Variants in TPD52L1 observed in about 807,000 individuals in gnomAD.
The protein encoded by TPD52L1 is TPD52 like 1.
In TPD52L1, 18 loss-of-function variants were observed where a neutral mutation model predicts 28.7. The observed-to-expected ratio is 0.63, with a 90% confidence interval of 0.43 to 0.93. The LOEUF is 0.93. TPD52L1 is among the 40% of genes least tolerant of loss of function. TPD52L1 has a pLI of 0.00. For synonymous variants in TPD52L1, 75 were observed against 88.8 expected (o/e 0.84, Z 0.88); for missense variants, 203 against 254.8 (o/e 0.80, Z 1.39).
intron 1 of TPD52L1, among the ~76,000 whole-genome samples, chr6:125,176,964 G>A (rs1791861746): frequency 6.6e-6 from 1 of 152,166 alleles, no homozygotes; most frequent in Admixed American, 6.5e-5. Context: ...CTTGAGCCTA[G>A]GAGAATGAGG....
Position 125,159,575 on chromosome 6 carries a change from A to G in TPD52L1, c.19+5605A>G, listed in dbSNP as rs369549826. 5.3e-5 allele frequency among the ~76,000 whole-genome samples: 8 copies of G among 152,184 alleles called. No homozygotes were observed. In the South Asian group the frequency reaches 1.0e-3, roughly 20 times the overall value. On this transcript the variant is annotated intron_variant, in intron 1 of 6. Transcript: ENST00000534000. The stretch of plus-strand genomic sequence containing the variant: ...AATGTTGATATTTTGACCACCTCCC[A>G]TGAATTACGAATGTTCTTAATGACA...
At chr6:125,184,339 T>C (rs557614054) in intron 1 of TPD52L1, among the ~76,000 whole-genome samples, 3 of 152,264 alleles carry the variant, frequency 2.0e-5, no homozygotes, top group Admixed American at 2.0e-4. Flanking sequence ...ACCACATAGT[T>C]AGGGGCAGAA....
intron 2 of TPD52L1, among the ~76,000 whole-genome samples, chr6:125,224,704 C>T (rs1478093019): frequency 6.6e-6 from 1 of 152,220 alleles, no homozygotes; most frequent in Non-Finnish European, 1.5e-5. Flanking sequence ...TCCTAAATAA[C>T]ATACTGATGA....
chr6:125,158,422 T>G (rs1263506114), intron 1 of TPD52L1, among the ~76,000 whole-genome samples: 2 of 152,060 alleles, frequency 1.3e-5, no homozygotes, highest in Non-Finnish European at 2.9e-5. Context: ...ACATTATACT[T>G]TACATTATAC....
At chr6:125,215,270 G>A (rs529428547) in intron 1 of TPD52L1, among the ~76,000 whole-genome samples, 1 of 152,048 alleles carries the variant, frequency 6.6e-6, no homozygotes, top group East Asian at 1.9e-4. Flanking sequence ...CATTTCACTA[G>A]TTAATTACCT....
chr6:125,161,245 A>G (rs1159709561), intron 1 of TPD52L1, among the ~76,000 whole-genome samples: 2 of 152,190 alleles, frequency 1.3e-5, no homozygotes, highest in Admixed American at 1.3e-4. Context: ...AGCCTTCATA[A>G]ATTGAAGAGA....
intron 1 of TPD52L1, among the ~76,000 whole-genome samples, chr6:125,175,534 G>A (rs553914603): frequency 6.6e-6 from 1 of 152,222 alleles, no homozygotes; most frequent in East Asian, 1.9e-4. Context: ...GTAGAACTAA[G>A]TTACCCTTCT....
intron 6 of TPD52L1, among the ~76,000 whole-genome samples, chr6:125,257,692 G>C (rs1370910328): frequency 3.3e-5 from 5 of 152,154 alleles, no homozygotes; most frequent in Admixed American, 1.3e-4. Context: ...TAATAACACA[G>C]TAATGCATTT....
chr6:125,226,896 T>C (rs117424761), intron 2 of TPD52L1, among the ~76,000 whole-genome samples: 3 of 152,220 alleles, frequency 2.0e-5, no homozygotes, highest in East Asian at 1.9e-4. Flanking sequence ...AACAAAAGAA[T>C]AGAAGGGCTT....
At chr6:125,257,185 G>A in intron 6 of TPD52L1, 27 bp downstream of exon 6, 1 of 1,597,168 alleles carries the variant, frequency 6.3e-7, no homozygotes, top group South Asian at 1.1e-5. Flanking sequence ...TTCTGTGTGA[G>A]TGGGTCCATT....
At position 125,154,533 on chromosome 6, in the gene TPD52L1, G is replaced by A. The variant is rs1003105787; in HGVS notation, c.19+563G>A. On this transcript the variant is annotated intron_variant, in intron 1 of 6. Coordinates refer to ENST00000534000, the MANE Select transcript of TPD52L1 (RefSeq NM_003287.4). ...CCCCTGACCTCCAGCAGATCCACAC[G>A]TGAGTCCCGGTTTCCGCGATCGGGG... 12 of 942,170 alleles carry A rather than the reference G, an allele frequency of 1.3e-5. No homozygotes were observed. The African/African-American group carries it at 2.7e-4, about 21-fold the overall frequency. 58.4% of individuals were successfully genotyped at this position (942,170 alleles called of 1,614,324 possible).
chr6:125,228,991 G>A, intron 2 of TPD52L1, 127 bp from the exon 3 acceptor site: 1 of 922,888 alleles, frequency 1.1e-6, no homozygotes. Flanking sequence ...GGTGTATTTG[G>A]CAAACCTACA....
chr6:125,261,011 A>T lies in TPD52L1; in HGVS notation c.487-1823A>T, dbSNP rs1463952992. ...GAAAGAAAGAAAGAAAGAAAGAAAG[A>T]AAGAAAGAAAAGAAAAGAAAGAAAG... On this transcript the variant is annotated intron_variant, in intron 6 of 6. Coordinates refer to ENST00000534000, the MANE Select transcript of TPD52L1 (RefSeq NM_003287.4). The T allele has an allele frequency of 4.0e-4, 12 of 30,018 alleles. 1 individual carries two copies. Among genetic ancestry groups the T allele is most frequent in the African/African-American group, 2.8e-3 (12 of 4,252 alleles). 1.9% of individuals were successfully genotyped at this position (30,018 alleles called of 1,614,324 possible). A position where few individuals can be genotyped will look rare whatever the true frequency, so the allele number is the denominator to read the frequency against.
chr6:125,154,421 C>A (rs1789974411), intron 1 of TPD52L1: 1 of 989,410 alleles, frequency 1.0e-6, no homozygotes, highest in Non-Finnish European at 1.2e-6. Flanking sequence ...GAGGATCGCC[C>A]GCCGAGGGGG....
Position 125,171,263 on chromosome 6 carries a change from T to C in TPD52L1, c.19+17293T>C, listed in dbSNP as rs538664428. 2.0e-5 allele frequency among the ~76,000 whole-genome samples: 3 copies of C among 152,258 alleles called. No individual in the cohort carries two copies. In the South Asian group the frequency reaches 6.2e-4, roughly 32 times the overall value. The stretch of plus-strand genomic sequence containing the variant: ...TTATGTTTGATGATATGATGTACAC[T>C]CAACAGACTAGGTTATCCACATACA... On this transcript the variant is annotated intron_variant, in intron 1 of 6. Transcript: ENST00000534000.
At chr6:125,169,976 C>A (rs73771238) in intron 1 of TPD52L1, among the ~76,000 whole-genome samples, 1 of 151,988 alleles carries the variant, frequency 6.6e-6, no homozygotes, top group Non-Finnish European at 1.5e-5. Context: ...TTATTAATCC[C>A]TCTTCTTCAA....
intron 1 of TPD52L1, chr6:125,214,325 C>A: frequency 3.3e-6 from 1 of 300,970 alleles, no homozygotes; most frequent in Non-Finnish European, 4.9e-6. Flanking sequence ...CTAAGTGTAA[C>A]CCATTTCATA....
Position 125,172,537 on chromosome 6 carries a change from T to TATATATATATATTATATATATATATA in TPD52L1, c.19+18579_19+18580insTATATATATATATAATATATATATAT, listed in dbSNP as rs1791522441. ...CTATATATATATATATATATATATA[T>TATATATATATATTATATATATATATA]ATATATATATATATAATATATATAC... On this transcript the variant is annotated intron_variant, in intron 1 of 6. Transcript: ENST00000534000. Among the ~76,000 whole-genome samples the TATATATATATATTATATATATATATA allele has an allele frequency of 1.4e-4, 12 of 88,864 alleles. 1 individual carries two copies. In the South Asian group the frequency reaches 1.4e-3, roughly 10 times the overall value. The allele number at this position is 88,864 out of a possible 152,430, so 58.3% of individuals were successfully genotyped here.
chr6:125,261,399 C>T (rs1199622843), intron 6 of TPD52L1: 1 of 152,170 alleles, frequency 6.6e-6, no homozygotes. Flanking sequence ...TGAGTGATCA[C>T]TTTGGTGACA....
Sources: allele counts gnomAD v4.1 joint callset (sites outside exome capture counted in the v4.1 genomes callset), GRCh38; gene constraint gnomAD v4.1.1; transcripts MANE v1.5; gene names NCBI Gene and HGNC (gene_info 2026-07-23, HGNC 2026-07-21).